NR3C1: variants seen among roughly 807,000 people sequenced by gnomAD.
The protein encoded by NR3C1 is nuclear receptor subfamily 3 group C member 1.
NR3C1 carries 14 observed loss-of-function variants against 74.0 expected under a neutral mutation model. That is an observed-to-expected ratio of 0.19 (90% CI 0.12 to 0.30). The LOEUF is 0.30. Ranked by LOEUF, NR3C1 falls within the 10% of genes least tolerant of loss-of-function variation. The pLI, the probability that NR3C1 is intolerant of heterozygous loss-of-function variation, is 1.00. For missense variants in NR3C1, 695 were observed against 909.8 expected, an observed-to-expected ratio of 0.76 and a Z score of 3.04; for synonymous variants, 308 against 332.5, an observed-to-expected ratio of 0.93 and a Z score of 0.80.
At chr5:143,286,088 A>ACTTT (rs1401567389) in intron 7 of NR3C1, among the ~76,000 whole-genome samples, 1 of 152,124 alleles carries the variant, frequency 6.6e-6, no homozygotes, top group Non-Finnish European at 1.5e-5. Flanking sequence ...GAATAACTTA[A>ACTTT]CTTTATACCA....
upstream of NR3C1, among the ~76,000 whole-genome samples, chr5:143,408,532 AT>A (rs377020256): frequency 0.11 from 16,153 of 148,338 alleles, 1,271 homozygotes; most frequent in East Asian, 0.28. Flanking sequence ...TAGATTTTGG[AT>A]TTTTTTTTTT....
chr5:143,347,797 T>C (rs1021503258), intron 2 of NR3C1, among the ~76,000 whole-genome samples: 5 of 152,270 alleles, frequency 3.3e-5, no homozygotes, highest in Non-Finnish European at 5.9e-5. Context: ...GCAGCTTTTA[T>C]GCAACCTTCA....
In NR3C1 at chr5:143,313,931, A is replaced by G. The variant is rs1821511447; in HGVS notation, c.1351+71T>C. 5.2e-6 allele frequency: 8 copies of G among 1,546,224 alleles called. No individual in the cohort carries two copies. The South Asian group carries it at 6.8e-5, about 13-fold the overall frequency. On this transcript the variant is annotated intron_variant, in intron 3 of 8. Coordinates refer to ENST00000394464, the MANE Select transcript of NR3C1 (RefSeq NM_000176.3). ...CTTTCATGGGCTTTGCATATAATGG[A>G]AATTTCAAAATCCACCCTGAGAAAT... is the stretch of plus-strand genomic sequence containing the variant.
intron 2 of NR3C1, among the ~76,000 whole-genome samples, chr5:143,363,997 TG>T: frequency 1.3e-5 from 2 of 149,560 alleles, no homozygotes; most frequent in Admixed American, 1.3e-4. Flanking sequence ...AAAAAAATAG[TG>T]GCAAAAGAAC....
intron 2 of NR3C1, among the ~76,000 whole-genome samples, chr5:143,326,042 C>T (rs1473140034): frequency 6.6e-6 from 1 of 152,178 alleles, no homozygotes; most frequent in Non-Finnish European, 1.5e-5. Flanking sequence ...TGCCTAGGTA[C>T]AGTACACAAA....
At chr5:143,302,875 T>C (rs1335378631) in intron 4 of NR3C1, among the ~76,000 whole-genome samples, 4 of 152,064 alleles carry the variant, frequency 2.6e-5, no homozygotes, top group South Asian at 2.1e-4. Context: ...TTGGAGCATA[T>C]AGTTGATTAG....
Position 143,355,636 on chromosome 5 carries a change from T to C in NR3C1, c.1185-41468A>G, listed in dbSNP as rs1831003910. Among the ~76,000 whole-genome samples, 2 of 152,072 alleles carry C rather than the reference T, an allele frequency of 1.3e-5. 1 individual carries two copies. Among genetic ancestry groups the C allele is most frequent in the Non-Finnish European group, 2.9e-5 (2 of 68,010 alleles). Reference sequence around the variant, plus strand: ...AGAAACTCCCAAATGTGATCCTAAATAAATCAACATAAGGAGCAAGCCAAT... The same window carrying C: ...AGAAACTCCCAAATGTGATCCTAAACAAATCAACATAAGGAGCAAGCCAAT... On this transcript the variant is annotated intron_variant, in intron 2 of 8. Coordinates refer to ENST00000394464, the MANE Select transcript of NR3C1 (RefSeq NM_000176.3).
chr5:143,328,167 T>A (rs1431740779), intron 2 of NR3C1, among the ~76,000 whole-genome samples: 1 of 152,218 alleles, frequency 6.6e-6, no homozygotes. Context: ...ACGTGAAAGC[T>A]GCCAAAGCTT....
At chr5:143,292,372 T>C (rs1053422993) in intron 7 of NR3C1, among the ~76,000 whole-genome samples, 1 of 152,096 alleles carries the variant, frequency 6.6e-6, no homozygotes, top group Non-Finnish European at 1.5e-5. Context: ...TTAGTGGGTC[T>C]GAATCCCTGG....
chr5:143,298,558 T>C, intron 6 of NR3C1, 110 bp downstream of exon 6: 1 of 1,203,352 alleles, frequency 8.3e-7, no homozygotes, highest in Non-Finnish European at 1.2e-6. Flanking sequence ...CCTAGATACC[T>C]AGTAGGATTG....
intron 1 of NR3C1, among the ~76,000 whole-genome samples, chr5:143,401,561 C>A (rs1366912529): frequency 6.6e-6 from 1 of 152,188 alleles, no homozygotes; most frequent in Non-Finnish European, 1.5e-5. Flanking sequence ...TATAGGCCAA[C>A]TAAAATTTAG....
intron 1 of NR3C1, chr5:143,402,581 A>G: frequency 1.0e-6 from 1 of 985,012 alleles, no homozygotes; most frequent in Non-Finnish European, 1.2e-6. Flanking sequence ...GTGCGAGGTT[A>G]AAAGAGAAGT....
intron 2 of NR3C1, among the ~76,000 whole-genome samples, chr5:143,352,701 T>C (rs539122521): frequency 3.1e-4 from 47 of 152,342 alleles, no homozygotes; most frequent in African/African-American, 1.1e-3. Context: ...TGCAATAGCA[T>C]TGTGTCTTTA....
intron 2 of NR3C1, among the ~76,000 whole-genome samples, chr5:143,395,897 T>A (rs1356240282): frequency 6.6e-6 from 1 of 151,852 alleles, no homozygotes; most frequent in Non-Finnish European, 1.5e-5. Context: ...AAAAGGCCCC[T>A]AAAGTGATCT....
At chr5:143,334,292 G>GT (rs771319845) in intron 2 of NR3C1, among the ~76,000 whole-genome samples, 10 of 152,058 alleles carry the variant, frequency 6.6e-5, no homozygotes, top group Non-Finnish European at 1.3e-4. Context: ...TGAGGCAGGA[G>GT]AATCGCTTGA....
intron 1 of NR3C1, among the ~76,000 whole-genome samples, chr5:143,433,460 A>ATATATAATTTATTTATTTGAAT (rs1413693943): frequency 1.4e-5 from 2 of 146,006 alleles, no homozygotes; most frequent in African/African-American, 2.5e-5. Context: ...AATTATATAT[A>ATATATAATTTATTTATTTGAAT]TATATATATA....
chr5:143,296,454 G>A (rs2151537653), intron 6 of NR3C1, among the ~76,000 whole-genome samples: 1 of 152,206 alleles, frequency 6.6e-6, no homozygotes, highest in South Asian at 2.1e-4. Flanking sequence ...TCTTACCGAA[G>A]AGGCACCTCC....
upstream of NR3C1, among the ~76,000 whole-genome samples, chr5:143,408,380 G>C (rs1841185374): frequency 6.6e-6 from 1 of 152,288 alleles, no homozygotes; most frequent in South Asian, 2.1e-4. Flanking sequence ...CTGGGTCATA[G>C]GAAGTATTTG....
chr5:143,322,362 C>T (rs1350223088), intron 2 of NR3C1, among the ~76,000 whole-genome samples: 1 of 152,144 alleles, frequency 6.6e-6, no homozygotes, highest in African/African-American at 2.4e-5. Flanking sequence ...GAGGTATATC[C>T]AGGCCTTCAA....
Sources: allele counts gnomAD v4.1 joint callset (sites outside exome capture counted in the v4.1 genomes callset), GRCh38; gene constraint gnomAD v4.1.1; transcripts MANE v1.5; gene names NCBI Gene and HGNC (gene_info 2026-07-23, HGNC 2026-07-21).